Variants in ROBO2 observed in about 807,000 individuals in gnomAD.
The protein encoded by ROBO2 is roundabout homolog 2.
Under a neutral mutation model 160.8 loss-of-function variants are expected in ROBO2, and 53 were observed. The ratio of observed to expected loss-of-function variants is 0.33; its 90% CI spans 0.26 to 0.41. The LOEUF (loss-of-function observed/expected upper bound fraction) is 0.41, where lower values mean the gene tolerates loss of function less well. ROBO2 is among the 10% of genes least tolerant of loss of function. The pLI is 1.00. For missense variants in ROBO2, 1,577 were observed against 1,722.4 expected (o/e 0.92, Z 1.49); for synonymous variants, 664 against 611.7 (o/e 1.09, Z -1.26).
chr3:76,325,450 C>T (rs2072932515), intron 2 of ROBO2, among the ~76,000 whole-genome samples: 1 of 152,062 alleles, frequency 6.6e-6, no homozygotes, highest in African/African-American at 2.4e-5. Context: ...TCCTTAGTTT[C>T]GTTTTATAAA....
chr3:76,943,675 A>C (rs1408113806), intron 2 of ROBO2, among the ~76,000 whole-genome samples: 1 of 152,234 alleles, frequency 6.6e-6, no homozygotes, highest in Non-Finnish European at 1.5e-5. Context: ...AGAAGGAAAA[A>C]CAGAAAAGCC....
At chr3:76,767,064 T>C (rs960275839) in intron 2 of ROBO2, among the ~76,000 whole-genome samples, 7 of 151,538 alleles carry the variant, frequency 4.6e-5, no homozygotes, top group African/African-American at 1.2e-4. Context: ...TATAGGAAAA[T>C]AGATTAACTG....
chr3:77,129,176 CTT>C (rs965438392), intron 2 of ROBO2, among the ~76,000 whole-genome samples: 6 of 151,022 alleles, frequency 4.0e-5, no homozygotes, highest in African/African-American at 1.2e-4. Flanking sequence ...AATTATGTGT[CTT>C]TATTTTTCAA....
At chr3:76,386,924 G>A (rs2076919380) in intron 2 of ROBO2, among the ~76,000 whole-genome samples, 1 of 152,118 alleles carries the variant, frequency 6.6e-6, no homozygotes, top group Admixed American at 6.5e-5. Context: ...TAAGACAAAA[G>A]ATACCTTAAA....
intron 1 of ROBO2, among the ~76,000 whole-genome samples, chr3:77,086,164 G>T (rs1034496651): frequency 6.6e-6 from 1 of 152,002 alleles, no homozygotes; most frequent in African/African-American, 2.4e-5. Context: ...TATAGATCGT[G>T]GTTCATTGTT....
At chr3:77,647,820 T>C (rs1297443035) in exon 26 of ROBO2, 1 of 152,176 alleles carries the variant, frequency 6.6e-6, no homozygotes, top group Non-Finnish European at 1.5e-5. Context: ...GGGACCCCTT[T>C]GAGTGACAAT....
intron 2 of ROBO2, among the ~76,000 whole-genome samples, chr3:76,321,240 AG>A (rs1208295086): frequency 6.6e-6 from 1 of 152,298 alleles, no homozygotes; most frequent in East Asian, 1.9e-4. Flanking sequence ...ATGCTAGGCC[AG>A]GCGTGGTGGC....
chr3:76,509,095 A>ATC (rs2080947643), intron 2 of ROBO2, among the ~76,000 whole-genome samples: 1 of 152,078 alleles, frequency 6.6e-6, no homozygotes, highest in Non-Finnish European at 1.5e-5. Flanking sequence ...TCTTGTCTCT[A>ATC]ATAAGATTAC....
intron 2 of ROBO2, among the ~76,000 whole-genome samples, chr3:76,353,905 G>C (rs574136958): frequency 6.6e-6 from 1 of 151,998 alleles, no homozygotes; most frequent in African/African-American, 2.4e-5. Flanking sequence ...CTTGCTTCAC[G>C]TTTTTAGGGG....
At chr3:77,394,084 C>G (rs569551415) in intron 2 of ROBO2, among the ~76,000 whole-genome samples, 1 of 152,198 alleles carries the variant, frequency 6.6e-6, no homozygotes, top group South Asian at 2.1e-4. Context: ...TTTCCAACAC[C>G]ATAACAGTCT....
intron 2 of ROBO2, among the ~76,000 whole-genome samples, chr3:76,568,312 T>A (rs2084728785): frequency 6.6e-6 from 1 of 152,036 alleles, no homozygotes. Flanking sequence ...TATTTATTTA[T>A]TTTGAGGCGG....
At chr3:76,147,030 A>G (rs2071935880) in intron 2 of ROBO2, among the ~76,000 whole-genome samples, 1 of 151,422 alleles carries the variant, frequency 6.6e-6, no homozygotes, top group African/African-American at 2.4e-5. Flanking sequence ...GGTTTAACAC[A>G]TGGGTGGTAA....
At chr3:75,972,385 G>A (rs1206935241) in intron 2 of ROBO2, among the ~76,000 whole-genome samples, 1 of 151,646 alleles carries the variant, frequency 6.6e-6, no homozygotes, top group Non-Finnish European at 1.5e-5. Flanking sequence ...TTCAATGAAG[G>A]AAGCAAGAAG....
At chr3:76,404,768 A>C (rs1311623199) in intron 2 of ROBO2, among the ~76,000 whole-genome samples, 1 of 151,556 alleles carries the variant, frequency 6.6e-6, no homozygotes, top group East Asian at 1.9e-4. Context: ...GAGGGAAAGA[A>C]TCCAAGACAG....
intron 2 of ROBO2, among the ~76,000 whole-genome samples, chr3:77,129,273 A>G (rs955754893): frequency 6.6e-6 from 1 of 152,204 alleles, no homozygotes; most frequent in Non-Finnish European, 1.5e-5. Context: ...CACATTGTGC[A>G]ATGACTAAAT....
At chr3:76,629,521 G>C (rs2089893776) in intron 2 of ROBO2, among the ~76,000 whole-genome samples, 1 of 152,108 alleles carries the variant, frequency 6.6e-6, no homozygotes, top group Non-Finnish European at 1.5e-5. Flanking sequence ...CAGGCCAAAA[G>C]ACTAAACCCG....
chr3:77,627,803 G>A (rs1457260989), intron 23 of ROBO2, among the ~76,000 whole-genome samples: 1 of 152,134 alleles, frequency 6.6e-6, no homozygotes, highest in Non-Finnish European at 1.5e-5. Context: ...ATGGAGAATG[G>A]CTAGTTTTTG....
intron 1 of ROBO2, among the ~76,000 whole-genome samples, chr3:77,051,711 C>T (rs751416834): frequency 6.6e-6 from 1 of 152,192 alleles, no homozygotes; most frequent in Non-Finnish European, 1.5e-5. Context: ...CTAAGCTTTC[C>T]AAACATGGAT....
chr3:77,193,704 C>A (rs35304451), intron 2 of ROBO2, among the ~76,000 whole-genome samples: 29,789 of 151,896 alleles, frequency 0.2, 3,364 homozygotes, highest in Middle Eastern at 0.31. Context: ...TTATATCATC[C>A]CTCTGGTTTA....
Sources: gnomAD v4.1 joint callset for allele counts (sites outside exome capture counted in the v4.1 genomes callset) on GRCh38, gnomAD v4.1.1 for gene constraint, MANE v1.5 for transcripts, NCBI Gene and HGNC (gene_info 2026-07-23, HGNC 2026-07-21) for gene names.